SCLY: variants seen among roughly 807,000 people sequenced by gnomAD.
SCLY encodes selenocysteine lyase.
A neutral mutation model predicts 50.1 loss-of-function variants in SCLY; 38 were observed. The observed-to-expected ratio is 0.76, with a 90% CI of 0.59 to 0.99. SCLY has a LOEUF of 0.99. SCLY is among the 50% of genes least tolerant of loss of function. The pLI is 0.00. For missense variants in SCLY, 600 were observed against 620.0 expected (o/e 0.97, Z 0.34); for synonymous variants, 243 against 249.4 (o/e 0.97, Z 0.24).
chr2:238,063,437 G>A (rs1051616894), intron 1 of SCLY, among the ~76,000 whole-genome samples: 2 of 152,024 alleles, frequency 1.3e-5, no homozygotes, highest in African/African-American at 4.8e-5. Flanking sequence ...TGGCCAGGCT[G>A]GTCTCAAACT....
intron 10 of SCLY, chr2:238,095,938 AC>A (rs1300642142): frequency 2.2e-5 from 3 of 138,208 alleles, no homozygotes; most frequent in South Asian, 2.3e-4. Flanking sequence ...ATGGAGTTTC[AC>A]TCTTATTGCC....
At chr2:238,063,458 A>G (rs888639005) in intron 1 of SCLY, among the ~76,000 whole-genome samples, 4 of 152,098 alleles carry the variant, frequency 2.6e-5, no homozygotes, top group African/African-American at 9.7e-5. Flanking sequence ...CCTAACCTCA[A>G]GTGATCCACC....
chr2:238,069,688 C>G lies in SCLY; in HGVS notation c.484+211C>G, dbSNP rs1028387084. On this transcript the variant is annotated intron_variant, in intron 4 of 11. Transcript: ENST00000254663. The surrounding 1 kb of genome is among the most constrained non-coding windows in gnomAD (Gnocchi z 5.0). Reference sequence around the variant, plus strand: ...CACTGGGCTCCCTGGCTGCCCCTCTCGGTGCAGAGGCCAGCTGCCACAAGG... The same window carrying G: ...CACTGGGCTCCCTGGCTGCCCCTCTGGGTGCAGAGGCCAGCTGCCACAAGG... 6.1e-5 allele frequency: 29 copies of G among 477,046 alleles called. No homozygotes were observed. The highest frequency in any genetic ancestry group is 3.6e-4 in the African/African-American group (18 of 49,942). The allele number at this position is 477,046 out of a possible 1,614,324, so 29.6% of individuals were successfully genotyped here.
chr2:238,098,423 T>C lies in SCLY; in HGVS notation c.*68T>C, dbSNP rs575982457. ...GCAGGGCACAGGGTTGTCCCTCCAG[T>C]TCCCTCCTGAGGGCTGTGCCAGGAT... On this transcript the variant is annotated 3_prime_UTR_variant, in exon 12 of 12. Transcript: ENST00000254663. 1 of 1,471,226 alleles carries C rather than the reference T, an allele frequency of 6.8e-7. No homozygotes were observed. The highest frequency in any genetic ancestry group is 2.4e-5 in the East Asian group (1 of 41,272). 91.1% of individuals were successfully genotyped at this position (1,471,226 alleles called of 1,614,324 possible). A position where few individuals can be genotyped will look rare whatever the true frequency, so the allele number is the denominator to read the frequency against.
intron 8 of SCLY, chr2:238,092,685 G>C (rs2065377511): frequency 6.6e-6 from 1 of 152,640 alleles, no homozygotes; most frequent in Admixed American, 6.5e-5. Context: ...CCACAGCTGG[G>C]TCCCAGCCAC....
At position 238,083,178 on chromosome 2, in the gene SCLY, C is replaced by T. The variant is rs949231410; in HGVS notation, c.778-70C>T. 1 of 1,054,722 alleles carries T rather than the reference C, an allele frequency of 9.5e-7. No individual in the cohort carries two copies. The highest frequency in any genetic ancestry group is 1.5e-6 in the Non-Finnish European group (1 of 670,522). 65.3% of individuals were successfully genotyped at this position (1,054,722 alleles called of 1,614,324 possible). A position where few individuals can be genotyped will look rare whatever the true frequency, so the allele number is the denominator to read the frequency against. ...AGCATTTCTCCTGTGTGCCCCTAAG[C>T]ACTTAGCATGTATACAGAGTAGGTC... is the stretch of plus-strand genomic sequence containing the variant. On this transcript the variant is annotated intron_variant, in intron 6 of 11. Coordinates refer to ENST00000254663, the MANE Select transcript of SCLY (RefSeq NM_016510.7). This position sits in a 1 kb window ranked among gnomAD's most constrained non-coding sequence, Gnocchi z 4.3.
intron 10 of SCLY, among the ~76,000 whole-genome samples, chr2:238,095,026 C>T (rs997943652): frequency 6.6e-6 from 1 of 151,978 alleles, no homozygotes. Context: ...CATGGAGAAA[C>T]CCCATCTCTA....
In SCLY at chr2:238,069,212, A is replaced by G; in HGVS notation, c.304-85A>G. 2 of 1,274,156 alleles carry G rather than the reference A, an allele frequency of 1.6e-6. No individual in the cohort carries two copies. The highest frequency in any genetic ancestry group is 3.0e-5 in the South Asian group (2 of 67,566). 78.9% of individuals were successfully genotyped at this position (1,274,156 alleles called of 1,614,324 possible). A position where few individuals can be genotyped will look rare whatever the true frequency, so the allele number is the denominator to read the frequency against. The stretch of plus-strand genomic sequence containing the variant: ...TGAAGCTTTTTTGATGTTAGCCACA[A>G]AAGAAATTAAGTAACAGAAATTGTT... On this transcript the variant is annotated intron_variant, in intron 3 of 11. Coordinates refer to ENST00000254663, the MANE Select transcript of SCLY (RefSeq NM_016510.7). The surrounding 1 kb of genome is among the most constrained non-coding windows in gnomAD (Gnocchi z 5.0).
intron 4 of SCLY, among the ~76,000 whole-genome samples, chr2:238,075,705 G>T (rs2106441971): frequency 6.6e-6 from 1 of 152,102 alleles, no homozygotes; most frequent in African/African-American, 2.4e-5. Context: ...ATTTCTGTAA[G>T]ATTTATAGAT....
intron 6 of SCLY, 151 bp downstream of exon 6, chr2:238,082,360 T>A: frequency 4.1e-6 from 3 of 731,378 alleles, no homozygotes; most frequent in South Asian, 1.9e-5. Flanking sequence ...TCAGGAGCTT[T>A]AAGAGGGGAG....
intron 7 of SCLY, among the ~76,000 whole-genome samples, chr2:238,086,272 CG>C (rs2065296888): frequency 6.6e-6 from 1 of 152,080 alleles, no homozygotes; most frequent in Admixed American, 6.5e-5. Flanking sequence ...TTCTGAATTA[CG>C]TTTGATAGCA....
chr2:238,098,347 C>G lies in SCLY; in HGVS notation c.1330C>G (p.Gln444Glu), dbSNP rs751846435. 28 of 1,599,054 alleles carry G rather than the reference C, an allele frequency of 1.8e-5. No individual in the cohort carries two copies. The highest frequency in any genetic ancestry group is 2.0e-5 in the Non-Finnish European group (24 of 1,176,972). The stretch of plus-strand genomic sequence containing the variant: ...GCAGGCCGTGGCGCAGCTGGAGGAC[C>G]AGGCCTAGCACTGGGGCCGCCTTCC... ...LKQAVAQLEDQA is the reference protein window; with the variant it reads ...LKQAVAQLEDEA Residue 444 changes from glutamine to glutamate, a missense_variant, in exon 12 of 12, where the codon CAG (glutamine) becomes GAG (glutamate). Transcript: ENST00000254663.
rs1218863463 is a variant in SCLY, at chr2:238,083,218, G to T, written c.778-30G>T. Reference sequence around the variant, plus strand: ...CAGAGTAGGTCCTTGGAAAGTTCTTGTTGAATAAATGACCAACTTTTCCTT... The same window carrying T: ...CAGAGTAGGTCCTTGGAAAGTTCTTTTTGAATAAATGACCAACTTTTCCTT... On this transcript the variant is annotated intron_variant, in intron 6 of 11. Coordinates refer to ENST00000254663, the MANE Select transcript of SCLY (RefSeq NM_016510.7). This position sits in a 1 kb window ranked among gnomAD's most constrained non-coding sequence, Gnocchi z 4.3. 1 of 1,495,422 alleles carries T rather than the reference G, an allele frequency of 6.7e-7. No homozygotes were observed. Among genetic ancestry groups the T allele is most frequent in the African/African-American group, 1.4e-5 (1 of 72,326 alleles). 92.6% of individuals were successfully genotyped at this position (1,495,422 alleles called of 1,614,324 possible).
intron 4 of SCLY, chr2:238,079,068 C>CTTTT (rs59238768): frequency 5.4e-5 from 5 of 93,186 alleles, no homozygotes; most frequent in African/African-American, 8.3e-5. Context: ...CTTTCTTTTT[C>CTTTT]TTTTTTTTTT....
intron 4 of SCLY, among the ~76,000 whole-genome samples, chr2:238,070,689 T>G (rs2065119427): frequency 6.6e-6 from 1 of 152,096 alleles, no homozygotes; most frequent in Admixed American, 6.6e-5. Flanking sequence ...AAAAAAAAAT[T>G]TATAACATTC....
chr2:238,083,056 G>T lies in SCLY; in HGVS notation c.778-192G>T. 1.5e-6 allele frequency: 1 copy of T among 674,398 alleles called. No individual in the cohort carries two copies. The highest frequency in any genetic ancestry group is 2.1e-5 in the Admixed American group (1 of 48,572). The allele number at this position is 674,398 out of a possible 1,614,324, so 41.8% of individuals were successfully genotyped here. The stretch of plus-strand genomic sequence containing the variant: ...AGCACCTGCGCTGCCTCCTAGGTTG[G>T]GGTTCCACCCTGCCCCGAAGGCTTT... On this transcript the variant is annotated intron_variant, in intron 6 of 11. Coordinates refer to ENST00000254663, the MANE Select transcript of SCLY (RefSeq NM_016510.7). The surrounding 1 kb of genome is among the most constrained non-coding windows in gnomAD (Gnocchi z 4.3).
At chr2:238,076,732 AAAAAAAG>A (rs57662497) in intron 4 of SCLY, among the ~76,000 whole-genome samples, 42,814 of 148,084 alleles carry the variant, frequency 0.29, 6,418 homozygotes, top group East Asian at 0.51. Flanking sequence ...TAAAAAAAAA[AAAAAAAG>A]AGTGTATTGT....
At chr2:238,064,570 G>T in intron 2 of SCLY, 101 bp downstream of exon 2, 1 of 644,244 alleles carries the variant, frequency 1.6e-6, no homozygotes. Flanking sequence ...GTTTTGAATA[G>T]GTTTCTGTTA....
chr2:238,087,943 T>A (rs905761946), intron 7 of SCLY, among the ~76,000 whole-genome samples: 4 of 151,882 alleles, frequency 2.6e-5, no homozygotes, highest in South Asian at 2.1e-4. Flanking sequence ...AATAAAAAAA[T>A]TAACTGGGCA....
Sources: allele counts gnomAD v4.1 joint callset (sites outside exome capture counted in the v4.1 genomes callset), GRCh38; gene constraint gnomAD v4.1.1; non-coding constraint Gnocchi (gnomAD v3.1); transcripts MANE v1.5; gene names NCBI Gene and HGNC (gene_info 2026-07-23, HGNC 2026-07-21).